The following TSPAN18 variants were observed in gnomAD, a reference collection of about 807,000 sequenced individuals.
TSPAN18 encodes the protein tetraspanin-18.
In TSPAN18, 14 loss-of-function variants were observed where a neutral mutation model predicts 27.3. The observed-to-expected ratio is 0.51, with a 90% CI of 0.34 to 0.80. The LOEUF (loss-of-function observed/expected upper bound fraction) is 0.80, where lower values mean the gene tolerates loss of function less well. TSPAN18 is among the 30% of genes least tolerant of loss of function. The pLI, the probability that TSPAN18 is intolerant of heterozygous loss-of-function variation, is 0.01. For missense variants in TSPAN18, 268 were observed against 323.9 expected (o/e 0.83, Z 1.32); for synonymous variants, 143 against 136.5 (o/e 1.05, Z -0.33).
intron 2 of TSPAN18, among the ~76,000 whole-genome samples, chr11:44,805,462 T>C (rs540183767): frequency 6.6e-6 from 1 of 152,326 alleles, no homozygotes; most frequent in African/African-American, 2.4e-5. Flanking sequence ...CCTCATATTC[T>C]GGCTCCAGTT....
intron 1 of TSPAN18, among the ~76,000 whole-genome samples, chr11:44,755,005 ATG>A (rs1255259793): frequency 2.0e-5 from 3 of 152,202 alleles, no homozygotes; most frequent in Non-Finnish European, 4.4e-5. Flanking sequence ...CCTGGCTGGC[ATG>A]TGCTGTCTGC....
chr11:44,889,304 G>A (rs1268201673), intron 3 of TSPAN18, among the ~76,000 whole-genome samples: 2 of 152,186 alleles, frequency 1.3e-5, no homozygotes, highest in South Asian at 2.1e-4. Flanking sequence ...TGATTTCAGG[G>A]CTGAGGTGGA....
chr11:44,882,725 G>GA (rs1858530737), intron 3 of TSPAN18, among the ~76,000 whole-genome samples: 1 of 152,124 alleles, frequency 6.6e-6, no homozygotes, highest in African/African-American at 2.4e-5. Context: ...GAGACGGAGG[G>GA]ACAGCCTGGC....
At chr11:44,869,407 T>C (rs1858129977) in intron 3 of TSPAN18, among the ~76,000 whole-genome samples, 1 of 152,166 alleles carries the variant, frequency 6.6e-6, no homozygotes, top group Admixed American at 6.5e-5. Context: ...CTAAAATGGG[T>C]TTGGTAAATA....
In TSPAN18 at chr11:44,788,615, G is replaced by A. The variant is rs180776909; in HGVS notation, c.-153+24103G>A. On this transcript the variant is annotated intron_variant, in intron 2 of 9. Coordinates refer to ENST00000520358, the MANE Select transcript of TSPAN18 (RefSeq NM_130783.5). ...TGGGATTACAGGCATGTGCCACCACGCCCAACTAATTTTTGTAGAGATGGG... is the reference window on the plus strand; with the variant it reads ...TGGGATTACAGGCATGTGCCACCACACCCAACTAATTTTTGTAGAGATGGG... Among the ~76,000 whole-genome samples, 20 of 151,946 alleles carry A rather than the reference G, an allele frequency of 1.3e-4. No homozygotes were observed. The East Asian group carries it at 3.5e-3, about 27-fold the overall frequency.
chr11:44,848,381 T>G (rs1857528097), intron 2 of TSPAN18, among the ~76,000 whole-genome samples: 1 of 152,220 alleles, frequency 6.6e-6, no homozygotes, highest in African/African-American at 2.4e-5. Context: ...TCCACTGAGC[T>G]GCCTTCCCCC....
chr11:44,876,174 T>A (rs544867689), intron 3 of TSPAN18, among the ~76,000 whole-genome samples: 8 of 152,276 alleles, frequency 5.3e-5, no homozygotes, highest in African/African-American at 1.9e-4. Context: ...CCTTATCCCA[T>A]ACCTCAGTGA....
In TSPAN18 at chr11:44,931,882, CAG is replaced by C. The variant is rs1860577033; in HGVS notation, c.*2708_*2709del. On this transcript the variant is annotated 3_prime_UTR_variant, in exon 10 of 10. Transcript: ENST00000520358. ...CACCCCGAAATACAACAGCCCATAA[CAG>C]AGACTTCCTCGGACCCCACTAACAG... The C allele has an allele frequency of 6.6e-6, 1 of 152,280 alleles. No homozygotes were observed. Among genetic ancestry groups the C allele is most frequent in the Non-Finnish European group, 1.5e-5 (1 of 68,070 alleles). The allele number at this position is 152,280 out of a possible 1,614,324, so 9.4% of individuals were successfully genotyped here. A position where few individuals can be genotyped will look rare whatever the true frequency, so the allele number is the denominator to read the frequency against.
At chr11:44,900,083 C>T (rs1859202799) in intron 3 of TSPAN18, among the ~76,000 whole-genome samples, 1 of 152,220 alleles carries the variant, frequency 6.6e-6, no homozygotes, top group South Asian at 2.1e-4. Flanking sequence ...GTGAAGTTAA[C>T]TTCTAGAAGT....
intron 1 of TSPAN18, among the ~76,000 whole-genome samples, chr11:44,762,430 C>T (rs527388109): frequency 6.6e-6 from 1 of 152,184 alleles, no homozygotes; most frequent in Non-Finnish European, 1.5e-5. Context: ...TGCTTACACA[C>T]ACATGCATAC....
At chr11:44,895,675 G>T (rs563601744) in intron 3 of TSPAN18, among the ~76,000 whole-genome samples, 9 of 149,662 alleles carry the variant, frequency 6.0e-5, no homozygotes, top group Non-Finnish European at 1.5e-5. Context: ...GCTCCCTGGT[G>T]GGGAGGAGGC....
chr11:44,919,249 G>GCA lies in TSPAN18; in HGVS notation c.371_372dup (p.Tyr125ThrfsTer19). On this transcript the variant is annotated frameshift_variant, in exon 7 of 10. Transcript: ENST00000520358. LOFTEE classifies it high-confidence loss of function. ...AATTCTTCACCAAGGAGCTCACCAAGCACTACCAGGGCAATAACGACACAG... is the reference window on the plus strand; with the variant it reads ...AATTCTTCACCAAGGAGCTCACCAAGCACACTACCAGGGCAATAACGACACAG... The GCA allele has an allele frequency of 6.2e-7, 1 of 1,614,072 alleles. No homozygotes were observed. The highest frequency in any genetic ancestry group is 8.5e-7 in the Non-Finnish European group (1 of 1,179,990).
intron 1 of TSPAN18, among the ~76,000 whole-genome samples, chr11:44,735,703 G>A (rs12361870): frequency 0.67 from 102,146 of 151,388 alleles, 37,421 homozygotes; most frequent in Non-Finnish European, 0.84. Context: ...TGCAAGCTCC[G>A]CCTCCTGGGT....
intron 1 of TSPAN18, among the ~76,000 whole-genome samples, chr11:44,731,382 T>A (rs1434812301): frequency 1.3e-5 from 2 of 152,154 alleles, no homozygotes; most frequent in African/African-American, 4.8e-5. Context: ...TGCCTCCATT[T>A]CCTGATTTGT....
At chr11:44,918,670 G>T (rs552896735) in intron 6 of TSPAN18, among the ~76,000 whole-genome samples, 1 of 152,262 alleles carries the variant, frequency 6.6e-6, no homozygotes, top group African/African-American at 2.4e-5. Context: ...ACCACAGCCT[G>T]TGAGCAGACA....
intron 3 of TSPAN18, among the ~76,000 whole-genome samples, chr11:44,870,568 A>G (rs1858166804): frequency 6.6e-6 from 1 of 152,132 alleles, no homozygotes; most frequent in Admixed American, 6.5e-5. Flanking sequence ...GCAGCTCACT[A>G]CTTGCCAGAG....
intron 2 of TSPAN18, among the ~76,000 whole-genome samples, chr11:44,800,006 G>GGTTTTTTTT (rs1554985027): frequency 1.3e-3 from 142 of 109,220 alleles, no homozygotes; most frequent in African/African-American, 1.9e-3. Context: ...AATTTTTTGT[G>GGTTTTTTTT]TTTTTTTTTT....
intron 6 of TSPAN18, 123 bp downstream of exon 6, chr11:44,918,169 TC>T: frequency 9.8e-6 from 10 of 1,024,764 alleles, no homozygotes; most frequent in Non-Finnish European, 1.5e-5. Context: ...ATCTGGCACT[TC>T]CAGCCCAAGT....
intron 3 of TSPAN18, among the ~76,000 whole-genome samples, chr11:44,896,793 C>T (rs58567882): frequency 0.012 from 1,784 of 152,230 alleles, 36 homozygotes; most frequent in African/African-American, 0.042. Context: ...CCACCACCAC[C>T]ACCACCACTA....
Sources: gnomAD v4.1 joint callset for allele counts (sites outside exome capture counted in the v4.1 genomes callset) on GRCh38, gnomAD v4.1.1 for gene constraint, MANE v1.5 for transcripts, NCBI Gene and HGNC (gene_info 2026-07-23, HGNC 2026-07-21) for gene names.